The following AMBRA1 variants were observed in gnomAD, a reference collection of about 807,000 sequenced individuals.
The protein encoded by AMBRA1 is activating molecule in BECN1-regulated autophagy protein 1.
AMBRA1 carries 47 observed loss-of-function variants against 125.4 expected under a neutral mutation model. That is an observed-to-expected ratio of 0.37 (90% CI 0.30 to 0.48). The LOEUF is 0.48. Among genes scored for constraint, AMBRA1 ranks in the 20% least tolerant of loss-of-function variants. The pLI, the probability that AMBRA1 is intolerant of heterozygous loss-of-function variation, is 0.99. For missense variants in AMBRA1, 1,331 were observed against 1,693.4 expected, an observed-to-expected ratio of 0.79 and a Z score of 3.76; for synonymous variants, 626 against 655.5, an observed-to-expected ratio of 0.95 and a Z score of 0.69.
intron 7 of AMBRA1, among the ~76,000 whole-genome samples, chr11:46,533,092 G>A (rs956142744): frequency 2.0e-5 from 3 of 152,114 alleles, no homozygotes; most frequent in African/African-American, 7.2e-5. Flanking sequence ...GAGCCCCAGA[G>A]GTGGAGGATG....
intron 9 of AMBRA1, among the ~76,000 whole-genome samples, chr11:46,507,584 A>T (rs1951099399): frequency 6.6e-6 from 1 of 152,206 alleles, no homozygotes; most frequent in Admixed American, 6.5e-5. Flanking sequence ...CCACTCAAAA[A>T]AGCCCAAAGA....
At chr11:46,530,467 G>C (rs753468010) in intron 7 of AMBRA1, 1 of 152,184 alleles carries the variant, frequency 6.6e-6, no homozygotes, top group African/African-American at 2.4e-5. Flanking sequence ...CGATTCCCAA[G>C]AAAGAAAGTG....
intron 11 of AMBRA1, among the ~76,000 whole-genome samples, chr11:46,480,531 A>G (rs1426520432): frequency 1.3e-5 from 2 of 152,170 alleles, no homozygotes; most frequent in African/African-American, 4.8e-5. Flanking sequence ...ATCCCAATAC[A>G]TGCGTCTTTT....
intron 11 of AMBRA1, among the ~76,000 whole-genome samples, chr11:46,469,793 T>G (rs1949499011): frequency 6.6e-6 from 1 of 151,538 alleles, no homozygotes; most frequent in African/African-American, 2.4e-5. Flanking sequence ...ACCTTCTGAG[T>G]AGCTAGGATT....
At chr11:46,575,701 G>C (rs1445610844) in intron 1 of AMBRA1, among the ~76,000 whole-genome samples, 32 of 151,902 alleles carry the variant, frequency 2.1e-4, no homozygotes, top group Admixed American at 1.9e-3. Flanking sequence ...ATTTTTAGTA[G>C]AGATGGGGTT....
At chr11:46,565,349 A>T (rs1300174886) in intron 1 of AMBRA1, among the ~76,000 whole-genome samples, 1 of 152,064 alleles carries the variant, frequency 6.6e-6, no homozygotes, top group Non-Finnish European at 1.5e-5. Context: ...AATATACATC[A>T]CATGAATCAG....
chr11:46,475,540 G>A (rs889007135), intron 11 of AMBRA1, among the ~76,000 whole-genome samples: 1 of 152,134 alleles, frequency 6.6e-6, no homozygotes, highest in African/African-American at 2.4e-5. Context: ...ATGAAAATGA[G>A]AGACAGAGGA....
chr11:46,430,686 T>C (rs751759674), intron 14 of AMBRA1, among the ~76,000 whole-genome samples: 3 of 152,218 alleles, frequency 2.0e-5, no homozygotes, highest in Non-Finnish European at 4.4e-5. Context: ...AATAAATCAA[T>C]GCTCTGGAGG....
intron 12 of AMBRA1, among the ~76,000 whole-genome samples, chr11:46,443,083 T>C (rs1371371008): frequency 6.6e-6 from 1 of 152,150 alleles, no homozygotes; most frequent in Non-Finnish European, 1.5e-5. Flanking sequence ...CAGCAAACAA[T>C]GTAAGGTACT....
At chr11:46,486,954 T>C (rs1168543633) in intron 11 of AMBRA1, among the ~76,000 whole-genome samples, 1 of 139,216 alleles carries the variant, frequency 7.2e-6, no homozygotes, top group Non-Finnish European at 1.6e-5. Flanking sequence ...AATAAATAAA[T>C]ACAAATAAAA....
At chr11:46,425,378 C>T (rs1241035243) in intron 14 of AMBRA1, among the ~76,000 whole-genome samples, 1 of 148,844 alleles carries the variant, frequency 6.7e-6, no homozygotes. Flanking sequence ...CTGTTCAGGA[C>T]AGGGATTATA....
intron 11 of AMBRA1, among the ~76,000 whole-genome samples, chr11:46,454,678 A>C (rs1948773003): frequency 6.6e-6 from 1 of 151,606 alleles, no homozygotes; most frequent in African/African-American, 2.4e-5. Flanking sequence ...GTGAGCCCGG[A>C]AGGCGGAGCT....
Position 46,541,979 on chromosome 11 carries a change from G to C in AMBRA1, c.2038C>G (p.Pro680Ala). 3.1e-6 allele frequency: 5 copies of C among 1,613,886 alleles called. No homozygotes were observed. The highest frequency in any genetic ancestry group is 4.2e-6 in the Non-Finnish European group (5 of 1,179,936). ...VSQEALHQDM[P>A]EESSEEDSLR... Reference sequence around the variant, plus strand: ...GAATCCTCCTCAGAGCTCTCCTCAGGCATATCCTGATGTAAGGCCTCCTGT... The same window carrying C: ...GAATCCTCCTCAGAGCTCTCCTCAGCCATATCCTGATGTAAGGCCTCCTGT... The change falls in exon 7 of 18, where the codon CCT becomes GCT. Residue 680 changes from proline to alanine, a missense_variant. Physicochemically the swap from Pro to Ala is conservative, Grantham distance 27. Coordinates refer to ENST00000683756, the MANE Select transcript of AMBRA1 (RefSeq NM_001387011.1).
intron 1 of AMBRA1, among the ~76,000 whole-genome samples, chr11:46,561,219 A>T (rs1374952220): frequency 6.6e-6 from 1 of 152,050 alleles, no homozygotes; most frequent in Non-Finnish European, 1.5e-5. Context: ...TGTCTCTACT[A>T]AAAATACAAA....
intron 1 of AMBRA1, among the ~76,000 whole-genome samples, chr11:46,584,604 A>AT (rs887161213): frequency 8.0e-5 from 12 of 150,604 alleles, no homozygotes; most frequent in East Asian, 3.9e-4. Context: ...ACTAGAAAGA[A>AT]TTTTTTTTTT....
chr11:46,575,418 T>C (rs1040342834), intron 1 of AMBRA1, among the ~76,000 whole-genome samples: 11 of 150,958 alleles, frequency 7.3e-5, no homozygotes, highest in South Asian at 2.1e-4. Context: ...GAGAGCACCA[T>C]TGCACTCTAG....
Position 46,542,227 on chromosome 11 carries a change from C to G in AMBRA1, c.1790G>C (p.Ser597Thr). The G allele has an allele frequency of 1.9e-6, 3 of 1,614,120 alleles. No homozygotes were observed. Among genetic ancestry groups the G allele is most frequent in the Non-Finnish European group, 2.5e-6 (3 of 1,180,014 alleles). Residue 597 changes from serine (S) to threonine (T), a missense_variant, in exon 7 of 18, where the codon AGT becomes ACT. Ser to Thr is a moderately conservative substitution (Grantham distance 58, BLOSUM62 1). Around this residue, in one of 4 missense-constraint regions of AMBRA1, gnomAD observed 689 missense variants for 776.5 expected, o/e 0.89. Coordinates refer to ENST00000683756, the MANE Select transcript of AMBRA1 (RefSeq NM_001387011.1). The surrounding 1 kb of genome is among the most constrained non-coding windows in gnomAD (Gnocchi z 5.9). ...TTPNYSSGEA[S>T]SSWQVPSSFE... ...GGAGCTGGGGACCTGCCAAGAGGAA[C>G]TAGCCTCGCCAGAGGAGTAGTTAGG... is the stretch of plus-strand genomic sequence containing the variant.
At chr11:46,405,707 CAG>C (rs1945977624) in intron 17 of AMBRA1, among the ~76,000 whole-genome samples, 1 of 152,050 alleles carries the variant, frequency 6.6e-6, no homozygotes, top group Non-Finnish European at 1.5e-5. Context: ...GCCTGAGTGA[CAG>C]AGTGAGACTC....
intron 1 of AMBRA1, among the ~76,000 whole-genome samples, chr11:46,564,218 TAAAA>T (rs781562495): frequency 3.0e-5 from 4 of 131,182 alleles, no homozygotes; most frequent in Admixed American, 1.5e-4. Flanking sequence ...ATCCCAGTAT[TAAAA>T]AAAAAAAAAA....
Sources: gnomAD v4.1 joint callset for allele counts (sites outside exome capture counted in the v4.1 genomes callset) on GRCh38, gnomAD v4.1.1 for gene constraint, gnomAD v4.1.1 regional missense constraint, Gnocchi (gnomAD v3.1) non-coding constraint, MANE v1.5 for transcripts, NCBI Gene and HGNC (gene_info 2026-07-23, HGNC 2026-07-21) for gene names.